ABCB8: variants seen among roughly 807,000 people sequenced by gnomAD.
The protein encoded by ABCB8 is ATP binding cassette subfamily B member 8.
In ABCB8, 52 loss-of-function variants were observed where a neutral mutation model predicts 73.0. The ratio of observed to expected loss-of-function variants is 0.71; its 90% CI spans 0.57 to 0.90. ABCB8 has a LOEUF of 0.90. Among genes scored for constraint, ABCB8 ranks in the 40% least tolerant of loss-of-function variants. The pLI is 0.00. For synonymous variants in ABCB8, 428 were observed against 423.5 expected (o/e 1.01, Z -0.13); for missense variants, 909 against 974.6 (o/e 0.93, Z 0.90).
At chr7:151,036,490 A>G in intron 8 of ABCB8, 54 bp from the exon 9 acceptor site, 1 of 1,451,580 alleles carries the variant, frequency 6.9e-7, no homozygotes, top group East Asian at 2.3e-5. Flanking sequence ...GAGCAGGCCC[A>G]GGGCTGTTTC....
At chr7:151,033,052 C>T (rs1483679439) in intron 1 of ABCB8, 2 of 456,654 alleles carry the variant, frequency 4.4e-6, no homozygotes, top group African/African-American at 2.0e-5. Flanking sequence ...TGATTTTTTT[C>T]ATCTGTCAGG....
rs117517576 is a variant in ABCB8, at chr7:151,035,547, G to A, written c.766-34G>A. 307 of 1,558,718 alleles carry A rather than the reference G, an allele frequency of 2.0e-4. 3 individuals are homozygous for A. The East Asian group carries it at 6.2e-3, about 32-fold the overall frequency. ...AAGTCCTTCCTGTCATGGTGCGGAC[G>A]CCGTAGCCTCCCGCCTTCCCTCCCA... On this transcript the variant is annotated intron_variant, in intron 5 of 15. Coordinates refer to ENST00000358849, the MANE Select transcript of ABCB8 (RefSeq NM_007188.5).
At position 151,036,832 on chromosome 7, in the gene ABCB8, T is replaced by G. The variant is rs1327903877; in HGVS notation, c.1217+183T>G. On this transcript the variant is annotated intron_variant, in intron 9 of 15. Coordinates refer to ENST00000358849, the MANE Select transcript of ABCB8 (RefSeq NM_007188.5). ...AGCCCCTCAGGGCCCATAACAACCCTCCTGGCTGGGGCAGTGGCGCTGCAG... is the reference window on the plus strand; with the variant it reads ...AGCCCCTCAGGGCCCATAACAACCCGCCTGGCTGGGGCAGTGGCGCTGCAG... 28 of 759,486 alleles carry G rather than the reference T, an allele frequency of 3.7e-5. No homozygotes were observed. In the East Asian group the frequency reaches 6.9e-4, roughly 19 times the overall value. The allele number at this position is 759,486 out of a possible 1,614,324, so 47.0% of individuals were successfully genotyped here.
rs746840598 is a variant in ABCB8, at chr7:151,040,593, G to A, written c.1347G>A (p.Glu449=). 6 of 1,613,318 alleles carry A rather than the reference G, an allele frequency of 3.7e-6. No homozygotes were observed. Among genetic ancestry groups the A allele is most frequent in the Admixed American group, 1.7e-5 (1 of 60,010 alleles). The change falls in exon 11 of 16, where the codon GAG becomes GAA. Residue 449 remains glutamate (E), a synonymous_variant. Coordinates refer to ENST00000358849, the MANE Select transcript of ABCB8 (RefSeq NM_007188.5). The part of the protein sequence containing the change: ...PLSGGCCVPK[E]QLRGSVTFQN... ...CTGGGGGCTGCTGCGTCCCCAAAGA[G>A]CAGCTGCGTGGCTCCGTTACATTTC...
At chr7:151,033,348 T>C in intron 1 of ABCB8, 1 of 1,269,800 alleles carries the variant, frequency 7.9e-7, no homozygotes, top group Non-Finnish European at 1.0e-6. Context: ...GGCTGGGTGT[T>C]GCCTGAGAGT....
At chr7:151,029,833 C>G (rs6944935) in intron 1 of ABCB8, 44,451 of 151,982 alleles carry the variant, frequency 0.29, 6,481 homozygotes, top group South Asian at 0.36. Flanking sequence ...GAGTGAATTA[C>G]TTGGGGGCCA....
chr7:151,037,874 T>C (rs895992184), intron 9 of ABCB8: 5 of 167,496 alleles, frequency 3.0e-5, no homozygotes, highest in African/African-American at 1.2e-4. Flanking sequence ...CGCAGCTGCA[T>C]GGACACCCTC....
rs199833241 is a variant in ABCB8 at position 151,034,618 on chromosome 7, T to C, written c.659+19T>C. 6.8e-5 allele frequency: 110 copies of C among 1,613,774 alleles called. No individual in the cohort carries two copies. The East Asian group carries it at 2.4e-3, about 36-fold the overall frequency. ...TGCTCCGGTACTGCCAGCCGCAGGG[T>C]GCAGAGTTGGGGTGACTGATGGCCT... On this transcript the variant is annotated intron_variant, in intron 4 of 15. Coordinates refer to ENST00000358849, the MANE Select transcript of ABCB8 (RefSeq NM_007188.5).
At chr7:151,035,533 G>A (rs1194492635) in intron 5 of ABCB8, 48 bp from the exon 6 acceptor site, 15 of 1,539,016 alleles carry the variant, frequency 9.7e-6, no homozygotes, top group Middle Eastern at 2.3e-4. Context: ...AGTCCTTCCT[G>A]TCATGGTGCG....
chr7:151,040,540 A>T lies in ABCB8; in HGVS notation c.1294A>T (p.Met432Leu). 6.2e-7 allele frequency: 1 copy of T among 1,613,352 alleles called. No homozygotes were observed. The highest frequency in any genetic ancestry group is 8.5e-7 in the Non-Finnish European group (1 of 1,179,828). The change falls in exon 11 of 16, where the codon ATG becomes TTG. Residue 432 changes from methionine to leucine, a missense_variant. Transcript: ENST00000358849. The part of the protein sequence containing the change: ...LSAGARVFEY[M>L]ALNPCIPLSG... ...TGCAGGTGCCCGGGTCTTTGAGTACATGGCCCTGAACCCCTGCATCCCACT... is the reference window on the plus strand; with the variant it reads ...TGCAGGTGCCCGGGTCTTTGAGTACTTGGCCCTGAACCCCTGCATCCCACT...
intron 1 of ABCB8, chr7:151,028,832 C>T (rs1796050824): frequency 7.1e-6 from 11 of 1,556,332 alleles, no homozygotes; most frequent in African/African-American, 1.3e-5. Context: ...GCGTGTCAGC[C>T]AGAAGGAGGG....
rs1796454459 is a variant in ABCB8, at chr7:151,041,223, C to T, written c.1608C>T (p.Phe536=). The T allele has an allele frequency of 1.2e-6, 2 of 1,600,862 alleles. No homozygotes were observed. The highest frequency in any genetic ancestry group is 1.1e-5 in the South Asian group (1 of 90,968). ...GGCTCCGGGGCCAGGTTGTCGGCTT[C>T]ATCAGCCAGGTGCGGGGCCACATGG... The part of the protein sequence containing the change: ...PSWLRGQVVG[F]ISQEPVLFGT... The change falls in exon 13 of 16, where the codon TTC becomes TTT. Residue 536 remains phenylalanine (F), a synonymous_variant. Transcript: ENST00000358849.
At chr7:151,044,273 G>A in intron 15 of ABCB8, 52 bp downstream of exon 15, 3 of 1,573,796 alleles carry the variant, frequency 1.9e-6, no homozygotes, top group Non-Finnish European at 2.6e-6. Flanking sequence ...CTTCATCACG[G>A]ACAGTGGCAC....
intron 14 of ABCB8, among the ~76,000 whole-genome samples, chr7:151,043,259 C>G (rs1796515996): frequency 6.6e-6 from 1 of 152,238 alleles, no homozygotes; most frequent in Non-Finnish European, 1.5e-5. Flanking sequence ...TGGCAACTCC[C>G]TTGGAGTGCA....
rs1476029881 is a variant in ABCB8, at chr7:151,045,905, A to G, written c.*556A>G. 1 of 152,268 alleles carries G rather than the reference A, an allele frequency of 6.6e-6. No individual in the cohort carries two copies. Among genetic ancestry groups the G allele is most frequent in the Non-Finnish European group, 1.5e-5 (1 of 68,164 alleles). 9.4% of individuals were successfully genotyped at this position (152,268 alleles called of 1,614,324 possible). A position where few individuals can be genotyped will look rare whatever the true frequency, so the allele number is the denominator to read the frequency against. Reference sequence around the variant, plus strand: ...TATCCCCTGGCTCACCCCGGGACCCACAGTCCCCATCTTCCAAACAACCTC... The same window carrying G: ...TATCCCCTGGCTCACCCCGGGACCCGCAGTCCCCATCTTCCAAACAACCTC... On this transcript the variant is annotated 3_prime_UTR_variant, in exon 16 of 16. Transcript: ENST00000358849.
In ABCB8 at chr7:151,046,563, C is replaced by T. The variant is rs1383283853; in HGVS notation, c.*1214C>T. On this transcript the variant is annotated 3_prime_UTR_variant, in exon 16 of 16. Transcript: ENST00000358849. ...CCCATGTTGGTGCCGCTGTCACTTCCTACTGGGATCCTTCCCCTATCCAGC... is the reference window on the plus strand; with the variant it reads ...CCCATGTTGGTGCCGCTGTCACTTCTTACTGGGATCCTTCCCCTATCCAGC... The T allele has an allele frequency of 1.3e-5, 2 of 152,288 alleles. No individual in the cohort carries two copies. Among genetic ancestry groups the T allele is most frequent in the Non-Finnish European group, 2.9e-5 (2 of 68,080 alleles). The allele number at this position is 152,288 out of a possible 1,614,324, so 9.4% of individuals were successfully genotyped here. A position where few individuals can be genotyped will look rare whatever the true frequency, so the allele number is the denominator to read the frequency against.
chr7:151,044,884 C>T (rs1446781379), intron 15 of ABCB8, among the ~76,000 whole-genome samples: 1 of 152,314 alleles, frequency 6.6e-6, no homozygotes, highest in East Asian at 1.9e-4. Flanking sequence ...GGCCGTGTGG[C>T]GTTGGCTAAC....
At chr7:151,037,041 GT>G in intron 9 of ABCB8, 1 of 686,990 alleles carries the variant, frequency 1.5e-6, no homozygotes, top group South Asian at 1.5e-5. Context: ...TGTTGTCACC[GT>G]CCGCCTCCAG....
intron 8 of ABCB8, 90 bp from the exon 9 acceptor site, chr7:151,036,454 C>T (rs1796311741): frequency 1.6e-6 from 2 of 1,217,070 alleles, no homozygotes; most frequent in East Asian, 2.3e-5. Context: ...ATGCGCCTCA[C>T]CTGACTCTCC....
Sources: allele counts gnomAD v4.1 joint callset (sites outside exome capture counted in the v4.1 genomes callset), GRCh38; gene constraint gnomAD v4.1.1; transcripts MANE v1.5; gene names NCBI Gene and HGNC (gene_info 2026-07-23, HGNC 2026-07-21).